Variants in HTR2A observed in about 807,000 individuals in gnomAD.
HTR2A encodes the protein 5-hydroxytryptamine receptor 2A, also known as 5-HT2 receptor.
HTR2A carries 14 observed loss-of-function variants against 31.0 expected under a neutral mutation model. The ratio of observed to expected loss-of-function variants is 0.45; its 90% CI spans 0.30 to 0.71. The LOEUF (loss-of-function observed/expected upper bound fraction) is 0.71. Ranked by LOEUF, HTR2A falls within the 30% of genes least tolerant of loss-of-function variation. The probability of loss-of-function intolerance (pLI) is 0.09; values close to 1 mark genes in which losing one functional copy is unlikely to be tolerated. For missense variants in HTR2A, 442 were observed against 573.3 expected (o/e 0.77, Z 2.34); for synonymous variants, 209 against 225.2 (o/e 0.93, Z 0.64).
chr13:46,874,378 C>T (rs957071644), intron 3 of HTR2A, among the ~76,000 whole-genome samples: 1 of 152,192 alleles, frequency 6.6e-6, no homozygotes, highest in African/African-American at 2.4e-5. Context: ...ACCACAAGGG[C>T]CTCTTAGGGG....
intron 1 of HTR2A, 31 bp downstream of exon 1, chr13:46,896,643 A>G (rs1489431320): frequency 6.9e-7 from 1 of 1,457,338 alleles, no homozygotes; most frequent in Admixed American, 2.5e-5. Context: ...AAAATTACAC[A>G]GCAATAAAAT....
At chr13:46,869,022 A>G (rs1222683532) in intron 3 of HTR2A, among the ~76,000 whole-genome samples, 4 of 152,134 alleles carry the variant, frequency 2.6e-5, no homozygotes, top group Non-Finnish European at 5.9e-5. Flanking sequence ...TATTAGAGAA[A>G]TACAAAGTGA....
At chr13:46,843,460 G>A (rs1000407629) in intron 3 of HTR2A, among the ~76,000 whole-genome samples, 5 of 152,136 alleles carry the variant, frequency 3.3e-5, no homozygotes, top group African/African-American at 1.2e-4. Context: ...TAATACCCTG[G>A]AGGGTTGACT....
intron 3 of HTR2A, among the ~76,000 whole-genome samples, chr13:46,838,033 A>C (rs1950573581): frequency 6.6e-6 from 1 of 152,206 alleles, no homozygotes; most frequent in Non-Finnish European, 1.5e-5. Context: ...TGTGCCTCCA[A>C]GGAGAACATC....
intron 3 of HTR2A, among the ~76,000 whole-genome samples, chr13:46,842,071 G>A (rs557732841): frequency 1.1e-4 from 17 of 152,032 alleles, no homozygotes; most frequent in Non-Finnish European, 1.9e-4. Context: ...ACATTTGTAC[G>A]TCATCAATGA....
chr13:46,834,713 A>G lies in HTR2A; in HGVS notation c.*124T>C, dbSNP rs564086363. 8.5e-5 allele frequency: 59 copies of G among 696,878 alleles called. No individual in the cohort carries two copies. The highest frequency in any genetic ancestry group is 1.4e-4 in the Non-Finnish European group (57 of 418,828). 43.2% of individuals were successfully genotyped at this position (696,878 alleles called of 1,614,324 possible). On this transcript the variant is annotated 3_prime_UTR_variant, in exon 4 of 4. Coordinates refer to ENST00000542664, the MANE Select transcript of HTR2A (RefSeq NM_000621.5). ...TTTCATTGACAGAATAAAATGAGGCATACAGATATGATCGTTGGTTCCACT... is the reference window on the plus strand; with the variant it reads ...TTTCATTGACAGAATAAAATGAGGCGTACAGATATGATCGTTGGTTCCACT...
chr13:46,862,868 A>C (rs1950791032), intron 3 of HTR2A, among the ~76,000 whole-genome samples: 1 of 152,248 alleles, frequency 6.6e-6, no homozygotes, highest in African/African-American at 2.4e-5. Flanking sequence ...GATAATTAAA[A>C]TGCTTAGACT....
chr13:46,897,268 T>C (rs1181107870), upstream of HTR2A, among the ~76,000 whole-genome samples: 1 of 152,172 alleles, frequency 6.6e-6, no homozygotes, highest in Non-Finnish European at 1.5e-5. Context: ...CTGTGGTAAT[T>C]TTTTAGGCTG....
chr13:46,884,875 A>G (rs1024737562), intron 3 of HTR2A, among the ~76,000 whole-genome samples: 1 of 152,042 alleles, frequency 6.6e-6, no homozygotes, highest in Non-Finnish European at 1.5e-5. Context: ...TCATTAGTTT[A>G]CCAGAATGAG....
chr13:46,836,690 A>G (rs1007613058), intron 3 of HTR2A, among the ~76,000 whole-genome samples: 1 of 152,170 alleles, frequency 6.6e-6, no homozygotes, highest in Non-Finnish European at 1.5e-5. Context: ...TGTTTCATCC[A>G]TATGTCCTCT....
rs1226277397 is a variant in HTR2A, at chr13:46,834,825, G to A, written c.*12C>T. 2.5e-6 allele frequency: 4 copies of A among 1,585,280 alleles called. No individual in the cohort carries two copies. The highest frequency in any genetic ancestry group is 3.4e-6 in the Non-Finnish European group (4 of 1,164,578). ...CAGTGTGCCTTCCACAGTTGCCACG[G>A]CAACTAGCCTATCACACACAGCTCA... On this transcript the variant is annotated 3_prime_UTR_variant, in exon 4 of 4. Transcript: ENST00000542664.
chr13:46,880,713 C>T (rs1054160503), intron 3 of HTR2A, among the ~76,000 whole-genome samples: 2 of 151,974 alleles, frequency 1.3e-5, no homozygotes, highest in East Asian at 1.9e-4. Context: ...GTGGCGGGCA[C>T]CTGTAATCCC....
intron 3 of HTR2A, among the ~76,000 whole-genome samples, chr13:46,866,299 G>A (rs986373117): frequency 2.0e-5 from 3 of 152,098 alleles, no homozygotes; most frequent in Admixed American, 6.5e-5. Context: ...AAGCTGACTC[G>A]CCCTTCAGCC....
At position 46,855,092 on chromosome 13, in the gene HTR2A, A is replaced by G. The variant is rs1375492603; in HGVS notation, c.614-19453T>C. Among the ~76,000 whole-genome samples the G allele has an allele frequency of 2.0e-5, 3 of 152,314 alleles. No individual in the cohort carries two copies. In the East Asian group the frequency reaches 5.8e-4, roughly 29 times the overall value. On this transcript the variant is annotated intron_variant, in intron 3 of 3. Coordinates refer to ENST00000542664, the MANE Select transcript of HTR2A (RefSeq NM_000621.5). ...CCCCAGAGCTAAGAAGAGGCCATGGAACAGCCTCTCCTTCACAGGTCAGAA... is the reference window on the plus strand; with the variant it reads ...CCCCAGAGCTAAGAAGAGGCCATGGGACAGCCTCTCCTTCACAGGTCAGAA...
chr13:46,892,264 A>G, intron 3 of HTR2A, 126 bp downstream of exon 3: 2 of 869,678 alleles, frequency 2.3e-6, no homozygotes, highest in Admixed American at 1.9e-5. Flanking sequence ...ATGTTGTAAC[A>G]TATCTTGCAC....
At chr13:46,845,090 A>T (rs1338690243) in intron 3 of HTR2A, among the ~76,000 whole-genome samples, 1 of 152,188 alleles carries the variant, frequency 6.6e-6, no homozygotes, top group Non-Finnish European at 1.5e-5. Flanking sequence ...CCCTATGTAC[A>T]CATCACCCAA....
In HTR2A at chr13:46,895,265, C is replaced by G; in HGVS notation, c.412+230G>C. ...AATGATCATTTTTACACAGGATGTACGCGTTTTGAAGCACAAAACTCTCCA... is the reference window on the plus strand; with the variant it reads ...AATGATCATTTTTACACAGGATGTAGGCGTTTTGAAGCACAAAACTCTCCA... On this transcript the variant is annotated intron_variant, in intron 2 of 3. Coordinates refer to ENST00000542664, the MANE Select transcript of HTR2A (RefSeq NM_000621.5). The surrounding 1 kb of genome is among the most constrained non-coding windows in gnomAD (Gnocchi z 4.4). 1 of 469,476 alleles carries G rather than the reference C, an allele frequency of 2.1e-6. No individual in the cohort carries two copies. Among genetic ancestry groups the G allele is most frequent in the Non-Finnish European group, 3.8e-6 (1 of 264,348 alleles). The allele number at this position is 469,476 out of a possible 1,614,324, so 29.1% of individuals were successfully genotyped here.
chr13:46,834,811 C>T lies in HTR2A; in HGVS notation c.*26G>A. 6.4e-7 allele frequency: 1 copy of T among 1,565,972 alleles called. No individual in the cohort carries two copies. Among genetic ancestry groups the T allele is most frequent in the Non-Finnish European group, 8.7e-7 (1 of 1,152,712 alleles). Reference sequence around the variant, plus strand: ...GGTGAAAACTTGCTCAGTGTGCCTTCCACAGTTGCCACGGCAACTAGCCTA... The same window carrying T: ...GGTGAAAACTTGCTCAGTGTGCCTTTCACAGTTGCCACGGCAACTAGCCTA... On this transcript the variant is annotated 3_prime_UTR_variant, in exon 4 of 4. Transcript: ENST00000542664.
intron 3 of HTR2A, among the ~76,000 whole-genome samples, chr13:46,886,535 A>G (rs1016454242): frequency 6.6e-6 from 1 of 152,228 alleles, no homozygotes; most frequent in Non-Finnish European, 1.5e-5. Flanking sequence ...CTACAAAAAC[A>G]TATTAAAAAT....
Sources: allele counts gnomAD v4.1 joint callset (sites outside exome capture counted in the v4.1 genomes callset), GRCh38; gene constraint gnomAD v4.1.1; non-coding constraint Gnocchi (gnomAD v3.1); transcripts MANE v1.5; gene names NCBI Gene and HGNC (gene_info 2026-07-23, HGNC 2026-07-21).